Variants in AMBRA1 observed in about 807,000 individuals in gnomAD.
AMBRA1 encodes autophagy and beclin 1 regulator 1, also known as activating molecule in BECN1-regulated autophagy protein 1.
AMBRA1 carries 47 observed loss-of-function variants against 125.4 expected under a neutral mutation model. The ratio of observed to expected loss-of-function variants is 0.37; its 90% CI spans 0.30 to 0.48. The LOEUF (loss-of-function observed/expected upper bound fraction) is 0.48, where lower values mean the gene tolerates loss of function less well. Ranked by LOEUF, AMBRA1 falls within the 20% of genes least tolerant of loss-of-function variation. The pLI is 0.99. For missense variants in AMBRA1, 1,331 were observed against 1,693.4 expected (o/e 0.79, Z 3.76); for synonymous variants, 626 against 655.5 (o/e 0.95, Z 0.69).
At chr11:46,411,182 C>T (rs891519462) in intron 15 of AMBRA1, among the ~76,000 whole-genome samples, 4 of 151,304 alleles carry the variant, frequency 2.6e-5, no homozygotes, top group Admixed American at 6.6e-5. Flanking sequence ...GCCCCTGGGG[C>T]GGCCTGAGCG....
intron 11 of AMBRA1, among the ~76,000 whole-genome samples, chr11:46,476,990 C>G (rs1949840536): frequency 6.6e-6 from 1 of 151,926 alleles, no homozygotes; most frequent in South Asian, 2.1e-4. Flanking sequence ...ACGCCTGTAA[C>G]CCCCCAGCTA....
intron 11 of AMBRA1, among the ~76,000 whole-genome samples, chr11:46,460,959 A>G (rs981574597): frequency 3.3e-5 from 5 of 152,210 alleles, no homozygotes; most frequent in African/African-American, 1.2e-4. Flanking sequence ...AAAAACAATT[A>G]GGGCCAGGAG....
Position 46,397,719 on chromosome 11 carries a change from T to G in AMBRA1, c.3628A>C (p.Thr1210Pro), listed in dbSNP as rs1322848019. The G allele has an allele frequency of 9.3e-6, 15 of 1,611,558 alleles. No individual in the cohort carries two copies. The highest frequency in any genetic ancestry group is 1.3e-5 in the Non-Finnish European group (15 of 1,179,300). The stretch of plus-strand genomic sequence containing the variant: ...GCCTCTGGGAGCAGTCCCCGAGAGG[T>G]GGAGGGCTGGGGTGAGGAGGTGTGG... ...AAHTSSPQPS[T>P]SRGLLPEAGQ... The change falls in exon 18 of 18, where the codon ACC becomes CCC. Residue 1210 changes from threonine to proline, a missense_variant. Around this residue, in one of 4 missense-constraint regions of AMBRA1, gnomAD observed 144 missense variants for 133.9 expected, o/e 1.08. Transcript: ENST00000683756.
chr11:46,588,582 C>A (rs557177116), intron 1 of AMBRA1, among the ~76,000 whole-genome samples: 6 of 151,734 alleles, frequency 4.0e-5, no homozygotes, highest in Non-Finnish European at 8.8e-5. Context: ...TCGAGACCAG[C>A]CTGACCAACA....
intron 11 of AMBRA1, among the ~76,000 whole-genome samples, chr11:46,446,673 C>T (rs1349435879): frequency 3.3e-5 from 5 of 152,218 alleles, no homozygotes; most frequent in Non-Finnish European, 7.3e-5. Context: ...CCCCACTCCA[C>T]ATAGTTGAGA....
chr11:46,517,403 C>T (rs1418079243), intron 7 of AMBRA1, among the ~76,000 whole-genome samples: 1 of 149,772 alleles, frequency 6.7e-6, no homozygotes, highest in Admixed American at 6.6e-5. Context: ...CCCGCCTCGG[C>T]CTCCCAAAGT....
intron 14 of AMBRA1, among the ~76,000 whole-genome samples, chr11:46,426,168 A>C (rs1565145471): frequency 6.6e-6 from 1 of 152,130 alleles, no homozygotes; most frequent in African/African-American, 2.4e-5. Flanking sequence ...ATTAGGGCGT[A>C]CTGAGTAATG....
intron 1 of AMBRA1, among the ~76,000 whole-genome samples, chr11:46,590,828 G>C (rs1001884031): frequency 4.0e-5 from 6 of 151,526 alleles, no homozygotes; most frequent in Non-Finnish European, 8.8e-5. Flanking sequence ...CAGGAGAATT[G>C]CTTCAATCCG....
chr11:46,449,721 A>G (rs1334667075), intron 11 of AMBRA1, among the ~76,000 whole-genome samples: 1 of 152,196 alleles, frequency 6.6e-6, no homozygotes, highest in Non-Finnish European at 1.5e-5. Context: ...CCAACACAAT[A>G]TGGAAGGAAA....
rs192202461 is a variant in AMBRA1, at chr11:46,406,977, G to A, written c.3403+1536C>T. Among the ~76,000 whole-genome samples, 505 of 150,800 alleles carry A rather than the reference G, an allele frequency of 3.3e-3. 3 individuals are homozygous for A. Among genetic ancestry groups the A allele is most frequent in the African/African-American group, 0.012 (493 of 40,956 alleles). On this transcript the variant is annotated intron_variant, in intron 17 of 17. Transcript: ENST00000683756. The stretch of plus-strand genomic sequence containing the variant: ...AGGCGGATCACGAGGTCAGGAGTTC[G>A]AGACCAGCCTGGACAACATGGTGAA...
intron 9 of AMBRA1, among the ~76,000 whole-genome samples, chr11:46,501,233 T>A (rs139557421): frequency 6.6e-6 from 1 of 152,384 alleles, no homozygotes; most frequent in East Asian, 1.9e-4. Context: ...TGTCTGAGTT[T>A]GCACACTTCC....
intron 11 of AMBRA1, among the ~76,000 whole-genome samples, chr11:46,449,927 C>T (rs948107571): frequency 6.6e-6 from 1 of 152,004 alleles, no homozygotes; most frequent in Admixed American, 6.6e-5. Context: ...GGCGTGGTGG[C>T]GCATATCTGT....
At chr11:46,590,784 G>A (rs1401246141) in intron 1 of AMBRA1, among the ~76,000 whole-genome samples, 1 of 151,936 alleles carries the variant, frequency 6.6e-6, no homozygotes, top group Admixed American at 6.6e-5. Flanking sequence ...GGTGGCACAC[G>A]CCTGTAATCC....
At chr11:46,569,452 T>C (rs1289566459) in intron 1 of AMBRA1, among the ~76,000 whole-genome samples, 3 of 145,414 alleles carry the variant, frequency 2.1e-5, no homozygotes, top group African/African-American at 5.0e-5. Context: ...TATATATATA[T>C]ATATATATAT....
chr11:46,568,973 A>AT, intron 1 of AMBRA1, among the ~76,000 whole-genome samples: 1 of 151,446 alleles, frequency 6.6e-6, no homozygotes, highest in Non-Finnish European at 1.5e-5. Context: ...AGACCAGCTA[A>AT]TTTTTGTATT....
intron 17 of AMBRA1, among the ~76,000 whole-genome samples, chr11:46,400,095 C>G (rs1945664821): frequency 6.6e-6 from 1 of 152,108 alleles, no homozygotes; most frequent in Admixed American, 6.6e-5. Context: ...GTGGGACCTC[C>G]CTTCCAGCTT....
At chr11:46,572,238 T>C (rs1591159469) in intron 1 of AMBRA1, among the ~76,000 whole-genome samples, 1 of 151,756 alleles carries the variant, frequency 6.6e-6, no homozygotes, top group African/African-American at 2.4e-5. Flanking sequence ...GAGGCGGAGG[T>C]TGCAGGGAGC....
At chr11:46,585,665 C>CAAAAA (rs1157368065) in intron 1 of AMBRA1, among the ~76,000 whole-genome samples, 4 of 7,598 alleles carry the variant, frequency 5.3e-4, no homozygotes, top group African/African-American at 7.4e-4. Flanking sequence ...GACTCCATCT[C>CAAAAA]AAAAAAAAAA....
At chr11:46,475,754 C>A (rs773327088) in intron 11 of AMBRA1, among the ~76,000 whole-genome samples, 1 of 152,158 alleles carries the variant, frequency 6.6e-6, no homozygotes, top group Non-Finnish European at 1.5e-5. Flanking sequence ...GCTCTGGATA[C>A]GAGAATCCCG....
Sources: allele counts gnomAD v4.1 joint callset (sites outside exome capture counted in the v4.1 genomes callset), GRCh38; gene constraint gnomAD v4.1.1; regional missense constraint gnomAD v4.1.1; transcripts MANE v1.5; gene names NCBI Gene and HGNC (gene_info 2026-07-23, HGNC 2026-07-21).